The following RB1CC1 variants were observed in gnomAD, a reference collection of about 807,000 sequenced individuals.
RB1CC1 encodes RB1 inducible coiled-coil 1.
Under a neutral mutation model 177.5 loss-of-function variants are expected in RB1CC1, and 46 were observed. The observed-to-expected ratio is 0.26, with a 90% CI of 0.20 to 0.33. RB1CC1 has a LOEUF of 0.33. RB1CC1 is among the 10% of genes least tolerant of loss of function. The probability of loss-of-function intolerance (pLI) is 1.00; values close to 1 mark genes in which losing one functional copy is unlikely to be tolerated. For synonymous variants in RB1CC1, 666 were observed against 613.6 expected, an observed-to-expected ratio of 1.09 and a Z score of -1.26; for missense variants, 1,703 against 1,816.3, an observed-to-expected ratio of 0.94 and a Z score of 1.13.
At chr8:52,663,851 T>A (rs1851836018) in intron 8 of RB1CC1, among the ~76,000 whole-genome samples, 1 of 152,162 alleles carries the variant, frequency 6.6e-6, no homozygotes, top group Non-Finnish European at 1.5e-5. Context: ...TATGTATGTA[T>A]CAGGAATGTG....
intron 8 of RB1CC1, among the ~76,000 whole-genome samples, chr8:52,663,939 C>T (rs558719365): frequency 3.3e-5 from 5 of 152,224 alleles, no homozygotes; most frequent in African/African-American, 1.2e-4. Flanking sequence ...TGGGAAGAGA[C>T]TGTATTAAAC....
At chr8:52,624,328 C>CTT (rs1344000710) in intron 23 of RB1CC1, among the ~76,000 whole-genome samples, 1 of 151,912 alleles carries the variant, frequency 6.6e-6, no homozygotes. Context: ...CCACCAAATA[C>CTT]TTTACACTAC....
chr8:52,713,742 G>C (rs936736577), intron 1 of RB1CC1, among the ~76,000 whole-genome samples: 4 of 152,362 alleles, frequency 2.6e-5, no homozygotes, highest in African/African-American at 9.6e-5. Context: ...GGTACTAAGC[G>C]GCAGCGCAGA....
At position 52,676,412 on chromosome 8, in the gene RB1CC1, T is replaced by C. The variant is rs780858055; in HGVS notation, c.529A>G (p.Asn177Asp). The change falls in exon 6 of 24, where the codon AAT becomes GAT. Residue 177 changes from asparagine (N) to aspartate (D), a missense_variant. Physicochemically the swap from Asn to Asp is conservative, Grantham distance 23. Coordinates refer to ENST00000025008, the MANE Select transcript of RB1CC1 (RefSeq NM_014781.5). ...ATGTCTTCTATGGACTGCAGATAAT[T>C]TGAATAAATACTTTCAAACTTGAAA... ...LLFKFESIYSNYLQSIEDIKL... is the reference protein window; with the variant it reads ...LLFKFESIYSDYLQSIEDIKL... 5 of 1,612,580 alleles carry C rather than the reference T, an allele frequency of 3.1e-6. No individual in the cohort carries two copies. The highest frequency in any genetic ancestry group is 2.2e-5 in the East Asian group (1 of 44,858).
intron 20 of RB1CC1, among the ~76,000 whole-genome samples, chr8:52,632,322 G>T (rs916553755): frequency 6.6e-6 from 1 of 152,170 alleles, no homozygotes; most frequent in Non-Finnish European, 1.5e-5. Flanking sequence ...AAATTTTGAT[G>T]CTCTGAATTT....
At chr8:52,634,793 G>T (rs913225065) in intron 20 of RB1CC1, 128 bp downstream of exon 20, 3 of 758,302 alleles carry the variant, frequency 4.0e-6, no homozygotes, top group African/African-American at 3.6e-5. Context: ...TGACCAACAC[G>T]GACCAACAAA....
At chr8:52,710,708 TTATC>T in intron 1 of RB1CC1, among the ~76,000 whole-genome samples, 1 of 152,070 alleles carries the variant, frequency 6.6e-6, no homozygotes, top group Non-Finnish European at 1.5e-5. Context: ...AAAACCAAAA[TTATC>T]TATATAGCAA....
chr8:52,694,955 A>G (rs1855248910), intron 1 of RB1CC1, among the ~76,000 whole-genome samples: 1 of 152,236 alleles, frequency 6.6e-6, no homozygotes, highest in Non-Finnish European at 1.5e-5. Context: ...GTGACTAAGG[A>G]TTACTATTAG....
intron 1 of RB1CC1, among the ~76,000 whole-genome samples, chr8:52,712,998 A>G (rs1857183208): frequency 6.6e-6 from 1 of 152,230 alleles, no homozygotes; most frequent in African/African-American, 2.4e-5. Context: ...TCACAATGTA[A>G]TAACATTCTT....
intron 1 of RB1CC1, among the ~76,000 whole-genome samples, chr8:52,700,279 C>G (rs567484098): frequency 1.4e-4 from 22 of 151,976 alleles, no homozygotes; most frequent in Non-Finnish European, 2.9e-4. Flanking sequence ...TGGCAGCACC[C>G]TTGGGAGGCC....
At position 52,679,706 on chromosome 8, in the gene RB1CC1, C is replaced by T. The variant is rs191907311; in HGVS notation, c.370-3135G>A. ...TCTAAATTGATTGTGACCTGTCTCA[C>T]GATAATTTAGGTTCACACCACTATT... On this transcript the variant is annotated intron_variant, in intron 5 of 23. Transcript: ENST00000025008. Among the ~76,000 whole-genome samples, 3 of 152,190 alleles carry T rather than the reference C, an allele frequency of 2.0e-5. No individual in the cohort carries two copies. In the East Asian group the frequency reaches 5.8e-4, roughly 29 times the overall value.
chr8:52,677,929 G>A (rs990178545), intron 5 of RB1CC1, among the ~76,000 whole-genome samples: 13 of 152,198 alleles, frequency 8.5e-5, no homozygotes, highest in Admixed American at 5.9e-4. Context: ...TTCTTGCAGC[G>A]CATGTAGAAA....
At chr8:52,680,968 T>TTTTG (rs1554548480) in intron 5 of RB1CC1, among the ~76,000 whole-genome samples, 2 of 131,066 alleles carry the variant, frequency 1.5e-5, no homozygotes, top group Admixed American at 8.1e-5. Flanking sequence ...TTGTGGGGTT[T>TTTTG]TGTGTGTGTG....
intron 1 of RB1CC1, among the ~76,000 whole-genome samples, chr8:52,687,973 T>C (rs371956427): frequency 6.0e-4 from 91 of 152,352 alleles, no homozygotes; most frequent in African/African-American, 2.1e-3. Flanking sequence ...CAGAGGAACA[T>C]AAATTGTGAA....
At position 52,656,398 on chromosome 8, in the gene RB1CC1, T is replaced by G. The variant is rs1364784903; in HGVS notation, c.3431A>C (p.His1144Pro). The G allele has an allele frequency of 6.2e-7, 1 of 1,610,994 alleles. No individual in the cohort carries two copies. The highest frequency in any genetic ancestry group is 1.3e-5 in the African/African-American group (1 of 74,674). ...DQCISELISR[H>P]EEESNILKAE... ...TTTAAGTATATTAGATTCTTCTTCA[T>G]GTCTACTAATTAACTCGGAAATACA... The change falls in exon 15 of 24, where the codon CAT becomes CCT. Residue 1144 changes from histidine to proline, a missense_variant. This residue lies in a region of RB1CC1 where 1,169 missense variants were observed against 1,184.7 expected (regional missense o/e 0.99). Coordinates refer to ENST00000025008, the MANE Select transcript of RB1CC1 (RefSeq NM_014781.5).
In RB1CC1 at chr8:52,657,907, G is replaced by A. The variant is rs760867089; in HGVS notation, c.1922C>T (p.Ala641Val). The A allele has an allele frequency of 4.4e-5, 71 of 1,612,938 alleles. No individual in the cohort carries two copies. The highest frequency in any genetic ancestry group is 1.6e-4 in the Middle Eastern group (1 of 6,074). The change falls in exon 15 of 24, where the codon GCA (alanine) becomes GTA (valine). Residue 641 changes from alanine to valine, a missense_variant and splice_region_variant. Physicochemically the swap from Ala to Val is moderately conservative, Grantham distance 64. Around this residue, in one of 6 missense-constraint regions of RB1CC1, gnomAD observed 1,169 missense variants for 1,184.7 expected, o/e 0.99. Coordinates refer to ENST00000025008, the MANE Select transcript of RB1CC1 (RefSeq NM_014781.5). The part of the protein sequence containing the change: ...TITDLLSEQK[A>V]SVSQTSPQSA... Reference sequence around the variant, plus strand: ...CTGTGGGGATGTCTGACTCACAGATGCCTGGAAAACAGAAAGAAAGGCTTA... The same window carrying A: ...CTGTGGGGATGTCTGACTCACAGATACCTGGAAAACAGAAAGAAAGGCTTA...
chr8:52,645,879 A>ATTT lies in RB1CC1; in HGVS notation c.3822-13_3822-12insAAA. 1 of 1,576,538 alleles carries ATTT rather than the reference A, an allele frequency of 6.3e-7. No individual in the cohort carries two copies. Among genetic ancestry groups the ATTT allele is most frequent in the Non-Finnish European group, 8.5e-7 (1 of 1,170,222 alleles). On this transcript the variant is annotated splice_polypyrimidine_tract_variant and intron_variant, in intron 15 of 23. Transcript: ENST00000025008. ...AGTCAATGGCAGGACTTACAAATTAAATACAGCATTAAATTAAAAAAAAAA... is the reference window on the plus strand; with the variant it reads ...AGTCAATGGCAGGACTTACAAATTAATTTATACAGCATTAAATTAAAAAAAAAA...
intron 1 of RB1CC1, among the ~76,000 whole-genome samples, chr8:52,708,883 G>C (rs574859032): frequency 9.8e-5 from 15 of 152,320 alleles, no homozygotes; most frequent in African/African-American, 3.6e-4. Context: ...GCAGTTTACA[G>C]AACTAGGGAT....
At chr8:52,670,406 G>T (rs1447433320) in intron 7 of RB1CC1, among the ~76,000 whole-genome samples, 1 of 151,920 alleles carries the variant, frequency 6.6e-6, no homozygotes, top group Admixed American at 6.6e-5. Context: ...TTACTCTTGG[G>T]CTCTTTGGCA....
Sources: allele counts gnomAD v4.1 joint callset (sites outside exome capture counted in the v4.1 genomes callset), GRCh38; gene constraint gnomAD v4.1.1; regional missense constraint gnomAD v4.1.1; transcripts MANE v1.5; gene names NCBI Gene and HGNC (gene_info 2026-07-23, HGNC 2026-07-21).